The following NAALADL2 variants were observed in gnomAD, a reference collection of about 807,000 sequenced individuals.
The protein encoded by NAALADL2 is inactive N-acetylated-alpha-linked acidic dipeptidase-like protein 2.
Under a neutral mutation model 87.2 loss-of-function variants are expected in NAALADL2, and 76 were observed. The ratio of observed to expected loss-of-function variants is 0.87; its 90% CI spans 0.72 to 1.05. The LOEUF is 1.05. Ranked by LOEUF, NAALADL2 falls within the 50% of genes least tolerant of loss-of-function variation. The pLI is 0.00. For missense variants in NAALADL2, 1,089 were observed against 945.8 expected (o/e 1.15, Z -1.99); for synonymous variants, 354 against 331.0 (o/e 1.07, Z -0.75).
At chr3:175,308,821 G>A (rs1398894540) in intron 4 of NAALADL2, among the ~76,000 whole-genome samples, 5 of 152,152 alleles carry the variant, frequency 3.3e-5, no homozygotes, top group Non-Finnish European at 5.9e-5. Context: ...ATACAGACAA[G>A]TGACATGCAC....
At chr3:174,443,527 A>G (rs1327636847) in intron 1 of NAALADL2, among the ~76,000 whole-genome samples, 2 of 152,206 alleles carry the variant, frequency 1.3e-5, no homozygotes, top group African/African-American at 4.8e-5. Flanking sequence ...TGGGTTTTAG[A>G]TATCCAAATG....
intron 1 of NAALADL2, among the ~76,000 whole-genome samples, chr3:174,875,283 A>ATTAT (rs141855831): frequency 1.3e-5 from 2 of 152,072 alleles, no homozygotes; most frequent in African/African-American, 2.4e-5. Context: ...ATGTCATTGC[A>ATTAT]TTATTTATTT....
At chr3:175,391,575 C>G (rs983244589) in intron 5 of NAALADL2, among the ~76,000 whole-genome samples, 3 of 152,110 alleles carry the variant, frequency 2.0e-5, no homozygotes, top group African/African-American at 7.2e-5. Context: ...GACAGCAAAC[C>G]ATGAGTGAGC....
chr3:175,100,563 G>A (rs900175639), intron 2 of NAALADL2, among the ~76,000 whole-genome samples: 6 of 152,172 alleles, frequency 3.9e-5, no homozygotes, highest in African/African-American at 1.4e-4. Flanking sequence ...GAAGGCCAGG[G>A]GCAGTGGGTA....
At chr3:175,699,355 T>C (rs1699676237) in intron 11 of NAALADL2, among the ~76,000 whole-genome samples, 2 of 152,006 alleles carry the variant, frequency 1.3e-5, no homozygotes, top group Admixed American at 6.6e-5. Context: ...CAACAAGAGA[T>C]TAAGAATAAA....
intron 3 of NAALADL2, chr3:175,235,722 T>C (rs192340826): frequency 1.3e-5 from 2 of 152,320 alleles, no homozygotes; most frequent in African/African-American, 4.8e-5. Flanking sequence ...CACAGAACAT[T>C]CACAAAAACA....
chr3:174,823,091 A>G (rs1012131038), intron 3 of NAALADL2, among the ~76,000 whole-genome samples: 2 of 152,182 alleles, frequency 1.3e-5, no homozygotes, highest in African/African-American at 4.8e-5. Context: ...AGCACTTTCT[A>G]TATTTGTAGA....
At position 174,529,259 on chromosome 3, in the gene NAALADL2, C is replaced by T. The variant is rs115453307; in HGVS notation, c.-183-21310C>T. Among the ~76,000 whole-genome samples the T allele has an allele frequency of 3.6e-3, 549 of 152,326 alleles. 1 individual carries two copies. Among genetic ancestry groups the T allele is most frequent in the African/African-American group, 0.013 (522 of 41,576 alleles). Reference sequence around the variant, plus strand: ...CCACTGGGGCAACCAAATTTTAAAGCTCCAAAATGATCTTTGACTCCATGT... The same window carrying T: ...CCACTGGGGCAACCAAATTTTAAAGTTCCAAAATGATCTTTGACTCCATGT... On this transcript the variant is annotated intron_variant, in intron 1 of 3. Coordinates refer to the NAALADL2 transcript ENST00000434257.
chr3:175,213,533 C>T (rs867182029), intron 2 of NAALADL2, among the ~76,000 whole-genome samples: 1 of 152,022 alleles, frequency 6.6e-6, no homozygotes, highest in Non-Finnish European at 1.5e-5. Context: ...GGCATGGAGA[C>T]ATACACAGGA....
chr3:174,920,890 G>A (rs184430449), intron 1 of NAALADL2, among the ~76,000 whole-genome samples: 16 of 152,260 alleles, frequency 1.1e-4, no homozygotes, highest in Admixed American at 3.3e-4. Context: ...TGTCTGAGAA[G>A]GAGGCCTGAG....
chr3:175,740,774 C>T (rs1745127450), intron 12 of NAALADL2, among the ~76,000 whole-genome samples: 1 of 152,174 alleles, frequency 6.6e-6, no homozygotes, highest in Admixed American at 6.5e-5. Flanking sequence ...AAATGTTCTG[C>T]TCTCTCTATG....
intron 1 of NAALADL2, among the ~76,000 whole-genome samples, chr3:175,075,035 C>T (rs1716348703): frequency 1.3e-5 from 2 of 152,052 alleles, no homozygotes; most frequent in African/African-American, 4.8e-5. Context: ...GAGACAGGGA[C>T]AGTTAACATT....
At chr3:175,490,373 TG>T (rs941064474) in intron 9 of NAALADL2, among the ~76,000 whole-genome samples, 5 of 151,886 alleles carry the variant, frequency 3.3e-5, no homozygotes, top group Non-Finnish European at 5.9e-5. Context: ...AGTATCTATT[TG>T]TTTTTTTGTT....
intron 1 of NAALADL2, among the ~76,000 whole-genome samples, chr3:175,006,314 T>C (rs1749012165): frequency 6.6e-6 from 1 of 152,304 alleles, no homozygotes; most frequent in Non-Finnish European, 1.5e-5. Context: ...ATTCCCTTTC[T>C]TTGTAAGTAA....
In NAALADL2 at chr3:175,687,804, A is replaced by G. The variant is rs140777698; in HGVS notation, c.1897-49502A>G. ...CTTTCTCTGAGTTCTCAGGAAATCT[A>G]GTTGTTTAAAAAGTGTAGCACCTCC... On this transcript the variant is annotated intron_variant, in intron 11 of 13. Coordinates refer to ENST00000454872, the MANE Select transcript of NAALADL2 (RefSeq NM_207015.3). Among the ~76,000 whole-genome samples the G allele has an allele frequency of 3.5e-4, 53 of 152,020 alleles. 1 individual carries two copies. In the East Asian group the frequency reaches 9.1e-3, roughly 26 times the overall value.
intron 11 of NAALADL2, among the ~76,000 whole-genome samples, chr3:175,695,709 A>G (rs1321524641): frequency 6.6e-6 from 1 of 152,154 alleles, no homozygotes; most frequent in Non-Finnish European, 1.5e-5. Flanking sequence ...TTAAAATGGC[A>G]TAATGCTTCC....
At chr3:175,012,315 C>T (rs1309076373) in intron 1 of NAALADL2, among the ~76,000 whole-genome samples, 6 of 151,084 alleles carry the variant, frequency 4.0e-5, no homozygotes, top group African/African-American at 1.5e-4. Flanking sequence ...CAGGTATATG[C>T]CACCAGGCCT....
At chr3:174,536,052 T>G (rs1367701095) in intron 1 of NAALADL2, among the ~76,000 whole-genome samples, 1 of 152,080 alleles carries the variant, frequency 6.6e-6, no homozygotes, top group Non-Finnish European at 1.5e-5. Context: ...GAACATCAAA[T>G]ATAAAAATAA....
chr3:175,687,554 G>T (rs2149902814), intron 11 of NAALADL2, among the ~76,000 whole-genome samples: 1 of 152,280 alleles, frequency 6.6e-6, no homozygotes, highest in East Asian at 1.9e-4. Context: ...TATGTGACTA[G>T]CAAACAGAAG....
Sources: allele counts gnomAD v4.1 joint callset (sites outside exome capture counted in the v4.1 genomes callset), GRCh38; gene constraint gnomAD v4.1.1; transcripts MANE v1.5; gene names NCBI Gene and HGNC (gene_info 2026-07-23, HGNC 2026-07-21).